Variants in TMEFF2 observed in about 807,000 individuals in gnomAD.
TMEFF2 encodes tomoregulin-2.
In TMEFF2, 28 loss-of-function variants were observed where a neutral mutation model predicts 53.8. The observed-to-expected ratio is 0.52, with a 90% CI of 0.39 to 0.71. The LOEUF (loss-of-function observed/expected upper bound fraction) is 0.71, where lower values mean the gene tolerates loss of function less well. Ranked by LOEUF, TMEFF2 falls within the 30% of genes least tolerant of loss-of-function variation. The probability of loss-of-function intolerance (pLI) is 0.00; values close to 1 mark genes in which losing one functional copy is unlikely to be tolerated. For synonymous variants in TMEFF2, 162 were observed against 166.3 expected, an observed-to-expected ratio of 0.97 and a Z score of 0.20; for missense variants, 353 against 455.2, an observed-to-expected ratio of 0.78 and a Z score of 2.04.
chr2:192,135,482 C>A (rs1178706310), intron 4 of TMEFF2, among the ~76,000 whole-genome samples: 1 of 152,138 alleles, frequency 6.6e-6, no homozygotes, highest in East Asian at 1.9e-4. Flanking sequence ...AACAACCCAA[C>A]AATACCACCC....
intron 7 of TMEFF2, among the ~76,000 whole-genome samples, chr2:191,956,826 T>C (rs1296453257): frequency 6.6e-6 from 1 of 152,240 alleles, no homozygotes; most frequent in Admixed American, 6.5e-5. Context: ...CCGTGTTCAA[T>C]TGTTAAACAC....
At chr2:192,154,498 T>C (rs961364364) in intron 4 of TMEFF2, among the ~76,000 whole-genome samples, 1 of 152,010 alleles carries the variant, frequency 6.6e-6, no homozygotes, top group Non-Finnish European at 1.5e-5. Flanking sequence ...AGCTTCTATT[T>C]AGAAACTACT....
intron 4 of TMEFF2, among the ~76,000 whole-genome samples, chr2:192,133,884 T>C (rs1053003655): frequency 1.3e-5 from 2 of 152,358 alleles, no homozygotes; most frequent in African/African-American, 4.8e-5. Flanking sequence ...CTCTCCCTGC[T>C]GATCGTGTCC....
intron 4 of TMEFF2, among the ~76,000 whole-genome samples, chr2:192,143,168 A>G (rs1160165463): frequency 3.9e-5 from 6 of 152,144 alleles, no homozygotes; most frequent in African/African-American, 1.4e-4. Flanking sequence ...ACCAGCCCCT[A>G]CTACTCCTGA....
At chr2:192,109,411 A>T (rs12989481) in intron 4 of TMEFF2, among the ~76,000 whole-genome samples, 96,295 of 151,866 alleles carry the variant, frequency 0.63, 35,720 homozygotes, top group Non-Finnish European at 0.83. Context: ...CATCCCTTCA[A>T]GGTATCTGTT....
chr2:192,130,543 C>A lies in TMEFF2; in HGVS notation c.439+49125G>T, dbSNP rs189824099. ...CCACCATTGTGATTTGTTCCTGCCCCACCTTAACTGAGCGATTAACCCTGT... is the reference window on the plus strand; with the variant it reads ...CCACCATTGTGATTTGTTCCTGCCCAACCTTAACTGAGCGATTAACCCTGT... On this transcript the variant is annotated intron_variant, in intron 4 of 9. Coordinates refer to ENST00000272771, the MANE Select transcript of TMEFF2 (RefSeq NM_016192.4). Among the ~76,000 whole-genome samples the A allele has an allele frequency of 3.5e-3, 537 of 152,252 alleles. 1 individual carries two copies. Among genetic ancestry groups the A allele is most frequent in the Non-Finnish European group, 3.4e-3 (228 of 68,020 alleles).
chr2:191,987,169 G>T (rs1370261337), intron 7 of TMEFF2, among the ~76,000 whole-genome samples: 2 of 152,110 alleles, frequency 1.3e-5, no homozygotes, highest in Non-Finnish European at 2.9e-5. Flanking sequence ...GATGCCAGCA[G>T]TACTTACCCC....
At chr2:192,022,886 T>C (rs1686888089) in intron 5 of TMEFF2, among the ~76,000 whole-genome samples, 1 of 152,208 alleles carries the variant, frequency 6.6e-6, no homozygotes, top group Non-Finnish European at 1.5e-5. Flanking sequence ...TTACATTCTT[T>C]ATCTTATTAC....
chr2:192,071,114 C>G (rs549144367), intron 4 of TMEFF2, among the ~76,000 whole-genome samples: 15 of 151,934 alleles, frequency 9.9e-5, no homozygotes, highest in African/African-American at 3.1e-4. Flanking sequence ...TAAAAAGTGT[C>G]AAATGTGTCA....
At chr2:192,154,268 T>A (rs1319173373) in intron 4 of TMEFF2, among the ~76,000 whole-genome samples, 1 of 151,962 alleles carries the variant, frequency 6.6e-6, no homozygotes, top group Non-Finnish European at 1.5e-5. Flanking sequence ...TATGTAACAC[T>A]GGGTACAACT....
At chr2:191,969,581 G>A (rs1050624417) in intron 7 of TMEFF2, among the ~76,000 whole-genome samples, 4 of 152,170 alleles carry the variant, frequency 2.6e-5, no homozygotes, top group African/African-American at 9.7e-5. Context: ...ATCCATGAAT[G>A]GTGTGAAAGG....
chr2:192,084,072 T>TCC (rs1217275062), intron 4 of TMEFF2, among the ~76,000 whole-genome samples: 1 of 152,134 alleles, frequency 6.6e-6, no homozygotes, highest in Non-Finnish European at 1.5e-5. Flanking sequence ...GATAGTATCA[T>TCC]CCCTTCTTGT....
At chr2:192,177,949 T>C (rs1322924015) in intron 4 of TMEFF2, 1 of 151,042 alleles carries the variant, frequency 6.6e-6, no homozygotes, top group African/African-American at 2.4e-5. Flanking sequence ...AGTTCACATC[T>C]TATTGTTAGA....
intron 4 of TMEFF2, among the ~76,000 whole-genome samples, chr2:192,133,178 G>T (rs11886297): frequency 0.39 from 59,086 of 151,034 alleles, 12,916 homozygotes; most frequent in East Asian, 0.72. Flanking sequence ...CTTATTAGGC[G>T]GAGACACTTT....
intron 4 of TMEFF2, among the ~76,000 whole-genome samples, chr2:192,163,853 C>T (rs1390398608): frequency 6.6e-6 from 1 of 152,082 alleles, no homozygotes; most frequent in Non-Finnish European, 1.5e-5. Context: ...TTCCCTTTTC[C>T]ATATCCTTCT....
chr2:192,052,841 T>C (rs1392766983), intron 5 of TMEFF2, among the ~76,000 whole-genome samples: 1 of 152,230 alleles, frequency 6.6e-6, no homozygotes, highest in Admixed American at 6.5e-5. Flanking sequence ...AAGTCCATCC[T>C]TAATGAAAGA....
intron 4 of TMEFF2, among the ~76,000 whole-genome samples, chr2:192,137,757 A>G (rs1690045014): frequency 6.7e-6 from 1 of 148,514 alleles, no homozygotes; most frequent in Non-Finnish European, 1.5e-5. Flanking sequence ...ATCTACTTAT[A>G]TATATAATAT....
At chr2:192,122,391 G>A (rs577830661) in intron 4 of TMEFF2, among the ~76,000 whole-genome samples, 2 of 152,304 alleles carry the variant, frequency 1.3e-5, no homozygotes, top group African/African-American at 4.8e-5. Flanking sequence ...GAGGAATTTA[G>A]ACTCTGCCAA....
chr2:192,001,949 A>G (rs1356151332), intron 5 of TMEFF2, among the ~76,000 whole-genome samples: 1 of 152,222 alleles, frequency 6.6e-6, no homozygotes, highest in Non-Finnish European at 1.5e-5. Flanking sequence ...TGAAAAATTC[A>G]CTTAAGCTTT....
Sources: gnomAD v4.1 joint callset for allele counts (sites outside exome capture counted in the v4.1 genomes callset) on GRCh38, gnomAD v4.1.1 for gene constraint, MANE v1.5 for transcripts, NCBI Gene and HGNC (gene_info 2026-07-23, HGNC 2026-07-21) for gene names.